Variants in GRID2 observed in about 807,000 individuals in gnomAD.
GRID2 encodes the protein glutamate ionotropic receptor delta type subunit 2.
GRID2 carries 33 observed loss-of-function variants against 114.8 expected under a neutral mutation model. The ratio of observed to expected loss-of-function variants is 0.29; its 90% CI spans 0.22 to 0.38. The LOEUF (loss-of-function observed/expected upper bound fraction) is 0.38. Among genes scored for constraint, GRID2 ranks in the 10% least tolerant of loss-of-function variants. The pLI is 1.00. For missense variants in GRID2, 1,184 were observed against 1,257.7 expected (o/e 0.94, Z 0.89); for synonymous variants, 505 against 449.9 (o/e 1.12, Z -1.55).
At chr4:93,693,861 TAAG>T (rs2110120913) in intron 14 of GRID2, among the ~76,000 whole-genome samples, 1 of 152,244 alleles carries the variant, frequency 6.6e-6, no homozygotes, top group South Asian at 2.1e-4. Context: ...ACTTCTTAAA[TAAG>T]TATGTTGAGG....
intron 8 of GRID2, among the ~76,000 whole-genome samples, chr4:93,293,459 T>C (rs894199639): frequency 1.3e-5 from 2 of 152,150 alleles, no homozygotes; most frequent in African/African-American, 2.4e-5. Flanking sequence ...AATTCTTTAG[T>C]CTTGAATATC....
At chr4:92,557,894 C>T (rs530055139) in intron 1 of GRID2, among the ~76,000 whole-genome samples, 128 of 152,126 alleles carry the variant, frequency 8.4e-4, no homozygotes, top group Middle Eastern at 6.8e-3. Context: ...ACTTTTATGC[C>T]TTGACATTAT....
chr4:93,553,384 G>A (rs1208956693), intron 13 of GRID2, among the ~76,000 whole-genome samples: 1 of 151,980 alleles, frequency 6.6e-6, no homozygotes, highest in Non-Finnish European at 1.5e-5. Context: ...TTTTTTTATG[G>A]GAACTCTTGC....
At chr4:93,078,560 A>G (rs1358188378) in intron 2 of GRID2, among the ~76,000 whole-genome samples, 3 of 150,706 alleles carry the variant, frequency 2.0e-5, no homozygotes, top group African/African-American at 7.3e-5. Flanking sequence ...TAAAAAGATA[A>G]AAAGATAGGA....
chr4:93,248,681 A>T (rs1369293662), intron 8 of GRID2, among the ~76,000 whole-genome samples: 1 of 152,132 alleles, frequency 6.6e-6, no homozygotes, highest in Admixed American at 6.6e-5. Context: ...AATAGTTTTG[A>T]GCATTAATTT....
intron 2 of GRID2, among the ~76,000 whole-genome samples, chr4:92,916,364 T>G (rs952997272): frequency 3.3e-5 from 5 of 152,054 alleles, no homozygotes; most frequent in African/African-American, 9.7e-5. Context: ...AAACCGACAC[T>G]GTTTTTAAAT....
chr4:92,461,708 G>C (rs1194020445), intron 1 of GRID2, among the ~76,000 whole-genome samples: 1 of 151,800 alleles, frequency 6.6e-6, no homozygotes, highest in East Asian at 1.9e-4. Flanking sequence ...TGTTGTTGTT[G>C]TTGTTTAAAT....
At chr4:92,401,718 G>A (rs1429701063) in intron 1 of GRID2, among the ~76,000 whole-genome samples, 2 of 152,134 alleles carry the variant, frequency 1.3e-5, no homozygotes, top group Admixed American at 6.6e-5. Flanking sequence ...CATTCATTGA[G>A]TCGTTAATAT....
At chr4:93,415,661 A>AC (rs1767629631) in intron 9 of GRID2, among the ~76,000 whole-genome samples, 1 of 152,064 alleles carries the variant, frequency 6.6e-6, no homozygotes. Flanking sequence ...TTGTACAAAA[A>AC]AAATTGTCTT....
At chr4:92,713,088 T>C (rs920061075) in intron 2 of GRID2, among the ~76,000 whole-genome samples, 2 of 151,912 alleles carry the variant, frequency 1.3e-5, no homozygotes, top group Non-Finnish European at 2.9e-5. Context: ...GTTGGTGTGC[T>C]GCACCCACTA....
chr4:93,117,130 A>G (rs1733345427), intron 4 of GRID2, among the ~76,000 whole-genome samples: 1 of 152,148 alleles, frequency 6.6e-6, no homozygotes. Flanking sequence ...CAGAACATCA[A>G]TAGCATTAAT....
At chr4:92,725,592 G>A (rs986382541) in intron 2 of GRID2, among the ~76,000 whole-genome samples, 4 of 152,046 alleles carry the variant, frequency 2.6e-5, no homozygotes, top group African/African-American at 9.7e-5. Flanking sequence ...TTTTGTCAAG[G>A]AAGCGTCAGT....
chr4:92,400,982 CAA>C (rs992526853), intron 1 of GRID2, among the ~76,000 whole-genome samples: 5 of 152,078 alleles, frequency 3.3e-5, no homozygotes, highest in Non-Finnish European at 5.9e-5. Context: ...TAAATAACCT[CAA>C]TATAAGTTGC....
At chr4:93,686,151 T>A (rs918705549) in intron 14 of GRID2, among the ~76,000 whole-genome samples, 5 of 152,040 alleles carry the variant, frequency 3.3e-5, no homozygotes, top group Non-Finnish European at 7.4e-5. Flanking sequence ...TCTCGTATTC[T>A]CTTTCTTAGT....
rs935469106 is a variant in GRID2, at chr4:93,298,513, C to T, written c.1245+60023C>T. Among the ~76,000 whole-genome samples, 3 of 152,194 alleles carry T rather than the reference C, an allele frequency of 2.0e-5. 1 individual carries two copies. In the South Asian group the frequency reaches 6.2e-4, roughly 32 times the overall value. ...TGACCTAATTTACCTCCCAAAGACC[C>T]TTTTAGCACAATCACATTGGTGGGT... On this transcript the variant is annotated intron_variant, in intron 8 of 15. Transcript: ENST00000282020.
At chr4:92,683,033 C>T (rs2149286015) in intron 2 of GRID2, among the ~76,000 whole-genome samples, 1 of 152,242 alleles carries the variant, frequency 6.6e-6, no homozygotes, top group Middle Eastern at 3.4e-3. Flanking sequence ...GGTGCGGTGG[C>T]TCACACCTGT....
At chr4:93,784,466 T>C (rs1279833203) in intron 1 of GRID2, among the ~76,000 whole-genome samples, 1 of 152,134 alleles carries the variant, frequency 6.6e-6, no homozygotes, top group South Asian at 2.1e-4. Context: ...GAAATGTGAA[T>C]GTAGACTGTA....
intron 2 of GRID2, among the ~76,000 whole-genome samples, chr4:92,646,884 AATTCTTTTTTTT>A (rs2149258166): frequency 2.1e-5 from 3 of 146,336 alleles, no homozygotes; most frequent in South Asian, 2.1e-4. Context: ...ACAGTCTTTG[AATTCTTTTTTTT>A]TTTTTTTTTT....
chr4:93,317,732 T>C (rs1756813312), intron 8 of GRID2, among the ~76,000 whole-genome samples: 1 of 151,830 alleles, frequency 6.6e-6, no homozygotes, highest in South Asian at 2.1e-4. Flanking sequence ...AGAATTATAT[T>C]TCCTGTGAGT....
Sources: gnomAD v4.1 joint callset for allele counts (sites outside exome capture counted in the v4.1 genomes callset) on GRCh38, gnomAD v4.1.1 for gene constraint, MANE v1.5 for transcripts, NCBI Gene and HGNC (gene_info 2026-07-23, HGNC 2026-07-21) for gene names.